The following ST7 variants were observed in gnomAD, a reference collection of about 807,000 sequenced individuals.
ST7 encodes the protein suppression of tumorigenicity 7.
A neutral mutation model predicts 78.7 loss-of-function variants in ST7; 28 were observed. The observed-to-expected ratio is 0.36, with a 90% CI of 0.26 to 0.49. The LOEUF (loss-of-function observed/expected upper bound fraction) is 0.49. ST7 is among the 20% of genes least tolerant of loss of function. The pLI is 0.99. For synonymous variants in ST7, 247 were observed against 249.6 expected, an observed-to-expected ratio of 0.99 and a Z score of 0.10; for missense variants, 418 against 696.0, an observed-to-expected ratio of 0.60 and a Z score of 4.49.
intron 12 of ST7, among the ~76,000 whole-genome samples, chr7:117,194,627 T>C (rs1280865053): frequency 3.4e-4 from 51 of 152,226 alleles, no homozygotes; most frequent in Non-Finnish European, 1.0e-4. Flanking sequence ...TTAATGGGAT[T>C]AAAATAGCTT....
intron 1 of ST7, among the ~76,000 whole-genome samples, chr7:116,987,925 C>T (rs968665916): frequency 6.6e-6 from 1 of 152,188 alleles, no homozygotes; most frequent in Non-Finnish European, 1.5e-5. Flanking sequence ...CAGGGTTTTG[C>T]CATGTTGGCC....
intron 2 of ST7, among the ~76,000 whole-genome samples, chr7:117,111,153 C>T (rs1802397637): frequency 6.6e-6 from 1 of 152,196 alleles, no homozygotes; most frequent in African/African-American, 2.4e-5. Context: ...TCTATTCAGC[C>T]ACTATCCTTT....
At chr7:117,102,001 G>A (rs1232901295) in intron 2 of ST7, among the ~76,000 whole-genome samples, 1 of 152,166 alleles carries the variant, frequency 6.6e-6, no homozygotes, top group African/African-American at 2.4e-5. Flanking sequence ...ACCTGTATGT[G>A]TCTCTGAAGT....
intron 1 of ST7, among the ~76,000 whole-genome samples, chr7:117,085,901 C>T (rs1419677442): frequency 6.6e-6 from 1 of 151,982 alleles, no homozygotes; most frequent in African/African-American, 2.4e-5. Context: ...AAAGGCAACA[C>T]GAACTAGTAA....
intron 4 of ST7, 117 bp downstream of exon 4, chr7:117,129,964 T>C (rs1312704428): frequency 4.4e-6 from 3 of 677,526 alleles, no homozygotes; most frequent in Non-Finnish European, 5.0e-6. Flanking sequence ...AGTGCGTCCA[T>C]TTTTTAATAC....
At chr7:116,957,259 T>C (rs1403355865) in intron 1 of ST7, 1 of 152,224 alleles carries the variant, frequency 6.6e-6, no homozygotes, top group Non-Finnish European at 1.5e-5. Flanking sequence ...AGAGAAACCT[T>C]AACATTGGCA....
intron 1 of ST7, among the ~76,000 whole-genome samples, chr7:117,087,300 A>G (rs1000749698): frequency 6.6e-5 from 10 of 152,328 alleles, no homozygotes; most frequent in African/African-American, 1.9e-4. Flanking sequence ...AGAATAGAAA[A>G]TAGATTTATT....
At chr7:116,976,040 C>G (rs1340395788) in intron 1 of ST7, among the ~76,000 whole-genome samples, 1 of 152,006 alleles carries the variant, frequency 6.6e-6, no homozygotes, top group African/African-American at 2.4e-5. Flanking sequence ...GCAGGCAGAT[C>G]ACCTGAGGTC....
chr7:116,970,643 C>T (rs1203610792), intron 1 of ST7, among the ~76,000 whole-genome samples: 1 of 152,222 alleles, frequency 6.6e-6, no homozygotes, highest in African/African-American at 2.4e-5. Context: ...CAGGTACCAT[C>T]ACAGTGGGGA....
intron 1 of ST7, among the ~76,000 whole-genome samples, chr7:117,019,224 G>GTA (rs938774841): frequency 2.0e-5 from 3 of 152,084 alleles, no homozygotes; most frequent in African/African-American, 7.2e-5. Flanking sequence ...ACGTATATAT[G>GTA]TATATATATT....
intron 15 of ST7, among the ~76,000 whole-genome samples, chr7:117,225,567 C>T (rs914378068): frequency 4.6e-5 from 7 of 152,172 alleles, no homozygotes; most frequent in African/African-American, 1.7e-4. Context: ...TCACCCTGGT[C>T]ACTTCATCAG....
At chr7:117,200,329 A>G (rs1425254023) in intron 12 of ST7, among the ~76,000 whole-genome samples, 1 of 152,112 alleles carries the variant, frequency 6.6e-6, no homozygotes, top group Non-Finnish European at 1.5e-5. Context: ...CATCACCACC[A>G]GAAAATCCCA....
At chr7:117,133,187 G>A (rs561027073) in intron 6 of ST7, among the ~76,000 whole-genome samples, 2 of 151,890 alleles carry the variant, frequency 1.3e-5, no homozygotes, top group South Asian at 4.2e-4. Context: ...ACTGTGTTCT[G>A]TAGTTTGGGA....
chr7:117,060,474 A>C (rs1371878780), intron 1 of ST7, among the ~76,000 whole-genome samples: 1 of 152,204 alleles, frequency 6.6e-6, no homozygotes, highest in Non-Finnish European at 1.5e-5. Context: ...AAGTCATTAC[A>C]ATGAAAAATA....
chr7:117,188,421 A>G (rs949837776), intron 10 of ST7, among the ~76,000 whole-genome samples: 1 of 152,212 alleles, frequency 6.6e-6, no homozygotes. Context: ...GTCATAGTGT[A>G]AATTTGGTTG....
At chr7:117,194,258 CATAA>C (rs1810070551) in intron 12 of ST7, among the ~76,000 whole-genome samples, 4 of 152,222 alleles carry the variant, frequency 2.6e-5, no homozygotes, top group Non-Finnish European at 4.4e-5. Context: ...TAGGAAAAGG[CATAA>C]ACTCCTTGTG....
intron 9 of ST7, among the ~76,000 whole-genome samples, chr7:117,168,956 T>A (rs548650699): frequency 1.3e-5 from 2 of 152,158 alleles, no homozygotes; most frequent in Non-Finnish European, 2.9e-5. Flanking sequence ...TTTTTAGAGG[T>A]TGTTATGTTA....
chr7:116,955,218 G>A (rs1457237301), intron 1 of ST7: 2 of 421,006 alleles, frequency 4.8e-6, no homozygotes, highest in Non-Finnish European at 9.6e-6. Context: ...TTGAATATAT[G>A]TTTTAATGGA....
At chr7:116,972,100 G>A in intron 1 of ST7, 1 of 534,660 alleles carries the variant, frequency 1.9e-6, no homozygotes, top group Non-Finnish European at 3.7e-6. Flanking sequence ...TCAGCTTCAG[G>A]CAGGCTGGCC....
Sources: allele counts gnomAD v4.1 joint callset (sites outside exome capture counted in the v4.1 genomes callset), GRCh38; gene constraint gnomAD v4.1.1; transcripts MANE v1.5; gene names NCBI Gene and HGNC (gene_info 2026-07-23, HGNC 2026-07-21).